The following ARHGAP17 variants were observed in gnomAD, a reference collection of about 807,000 sequenced individuals.
ARHGAP17 encodes rho GTPase-activating protein 17.
A neutral mutation model predicts 99.5 loss-of-function variants in ARHGAP17; 57 were observed. The observed-to-expected ratio is 0.57, with a 90% CI of 0.46 to 0.71. ARHGAP17 has a LOEUF of 0.71. Ranked by LOEUF, ARHGAP17 falls within the 30% of genes least tolerant of loss-of-function variation. ARHGAP17 has a pLI of 0.00. For synonymous variants in ARHGAP17, 417 were observed against 429.6 expected (o/e 0.97, Z 0.36); for missense variants, 1,000 against 1,122.4 (o/e 0.89, Z 1.56).
intron 13 of ARHGAP17, among the ~76,000 whole-genome samples, chr16:24,948,145 CA>C (rs1374087274): frequency 6.6e-6 from 1 of 152,152 alleles, no homozygotes; most frequent in Admixed American, 6.5e-5. Flanking sequence ...ATGCTACCAT[CA>C]TTACAAAATG....
intron 16 of ARHGAP17, chr16:24,941,725 C>T: frequency 2.1e-6 from 1 of 477,946 alleles, no homozygotes; most frequent in East Asian, 4.1e-5. Flanking sequence ...GATGCCGTTC[C>T]ACTGCAGGGC....
chr16:24,983,597 T>A (rs2052767842), intron 1 of ARHGAP17, among the ~76,000 whole-genome samples: 1 of 152,212 alleles, frequency 6.6e-6, no homozygotes, highest in South Asian at 2.1e-4. Flanking sequence ...GCGCCCAGCC[T>A]AGATTGTTTT....
chr16:24,921,510 G>C (rs1418851157), intron 19 of ARHGAP17, among the ~76,000 whole-genome samples: 2 of 152,122 alleles, frequency 1.3e-5, no homozygotes, highest in Admixed American at 1.3e-4. Flanking sequence ...CTATATTTCT[G>C]TTCGACCTGC....
At chr16:24,929,277 T>C (rs1453503659) in intron 19 of ARHGAP17, among the ~76,000 whole-genome samples, 1 of 152,016 alleles carries the variant, frequency 6.6e-6, no homozygotes, top group African/African-American at 2.4e-5. Flanking sequence ...GCAATCCTCT[T>C]GCCTCAGCCA....
chr16:24,949,281 T>G, intron 13 of ARHGAP17, 123 bp downstream of exon 13: 1 of 665,812 alleles, frequency 1.5e-6, no homozygotes, highest in African/African-American at 1.8e-5. Context: ...TCCAAAGTGA[T>G]GTGGTTTTTT....
chr16:24,977,694 T>C (rs1356111222), intron 2 of ARHGAP17, among the ~76,000 whole-genome samples: 1 of 151,734 alleles, frequency 6.6e-6, no homozygotes, highest in Non-Finnish European at 1.5e-5. Flanking sequence ...TTATTCCTTA[T>C]TGGGTTTGGG....
At position 24,947,604 on chromosome 16, in the gene ARHGAP17, CA is replaced by C; in HGVS notation, c.1128-10del. 2 of 1,603,896 alleles carry C rather than the reference CA, an allele frequency of 1.2e-6. No individual in the cohort carries two copies. ...GGAACTTGATCAAATATCTAGGGGT[CA>C]AAAGAGAAGGGGAGGGTTTCTCCTC... On this transcript the variant is annotated splice_polypyrimidine_tract_variant and intron_variant, in intron 13 of 19. Transcript: ENST00000289968.
intron 12 of ARHGAP17, 70 bp downstream of exon 12, chr16:24,952,219 G>A: frequency 3.4e-6 from 4 of 1,189,260 alleles, no homozygotes; most frequent in Non-Finnish European, 4.8e-6. Flanking sequence ...AGAATAAAAT[G>A]ATTTGCAAAT....
intron 19 of ARHGAP17, among the ~76,000 whole-genome samples, chr16:24,926,850 G>A (rs1366039085): frequency 6.6e-6 from 1 of 152,216 alleles, no homozygotes; most frequent in African/African-American, 2.4e-5. Context: ...ATGGATACCT[G>A]GGTTCCACCC....
chr16:24,931,484 A>T (rs1372947903), intron 18 of ARHGAP17, 80 bp from the exon 19 acceptor site: 2 of 1,369,636 alleles, frequency 1.5e-6, no homozygotes, highest in African/African-American at 1.5e-5. Context: ...CAAATTTAAC[A>T]TCACCAGTAA....
At chr16:24,934,174 T>A (rs1436688300) in intron 18 of ARHGAP17, among the ~76,000 whole-genome samples, 1 of 152,216 alleles carries the variant, frequency 6.6e-6, no homozygotes, top group African/African-American at 2.4e-5. Flanking sequence ...TTTTTTTCTT[T>A]TTTCGGGACA....
intron 19 of ARHGAP17, among the ~76,000 whole-genome samples, chr16:24,925,770 T>C (rs1036854728): frequency 3.3e-5 from 5 of 152,120 alleles, no homozygotes; most frequent in Non-Finnish European, 4.4e-5. Context: ...AATCTGTCTA[T>C]GTCAAATAAT....
chr16:24,925,289 G>T (rs1209003620), intron 19 of ARHGAP17, among the ~76,000 whole-genome samples: 1 of 152,176 alleles, frequency 6.6e-6, no homozygotes, highest in African/African-American at 2.4e-5. Flanking sequence ...TGAGGCAAGA[G>T]AACTGCTTAA....
intron 3 of ARHGAP17, among the ~76,000 whole-genome samples, chr16:24,976,655 G>A (rs530441761): frequency 6.6e-6 from 1 of 152,242 alleles, no homozygotes; most frequent in South Asian, 2.1e-4. Context: ...CTGGGAGAGA[G>A]GCTCTCTACT....
rs78457529 is a variant in ARHGAP17 at position 24,939,559 on chromosome 16, C to T, written c.1529G>A (p.Arg510Gln). The T allele has an allele frequency of 0.011, 17,658 of 1,607,738 alleles. 114 individuals are homozygous for T. Among genetic ancestry groups the T allele is most frequent in the Non-Finnish European group, 0.012 (14,656 of 1,177,846 alleles). The change falls in exon 17 of 20, where the codon CGG (arginine) becomes CAG (glutamine). Residue 510 changes from arginine to glutamine, a missense_variant. Arg to Gln is a conservative substitution (Grantham distance 43). Transcript: ENST00000289968. Reference sequence around the variant, plus strand: ...GTGCTTTCTATTTAGAGTGCCACCCCGCCGGTGGGCCTGGAAGTCCATAAG... The same window carrying T: ...GTGCTTTCTATTTAGAGTGCCACCCTGCCGGTGGGCCTGGAAGTCCATAAG... ...VKLMDFQAHR[R>Q]GGTLNRKHIS...
chr16:24,931,382 TG>T lies in ARHGAP17; in HGVS notation c.1916del (p.Ala639AspfsTer87). On this transcript the variant is annotated frameshift_variant, in exon 19 of 20. Coordinates refer to ENST00000289968, the MANE Select transcript of ARHGAP17 (RefSeq NM_001006634.3). LOFTEE classifies it high-confidence loss of function. The stretch of plus-strand genomic sequence containing the variant: ...GAGGTGGGTTGCCCGGTTTCGGGGG[TG>T]CTGGAGCGGGTTTTTTAACAGCTGC... The part of the protein sequence containing the change: ...LRRAVKKPAP[A>X]PPKPGNPPPG... 1 of 1,510,048 alleles carries T rather than the reference TG, an allele frequency of 6.6e-7. No individual in the cohort carries two copies. The highest frequency in any genetic ancestry group is 8.8e-7 in the Non-Finnish European group (1 of 1,132,378). 93.5% of individuals were successfully genotyped at this position (1,510,048 alleles called of 1,614,324 possible).
chr16:24,931,007 C>T lies in ARHGAP17; in HGVS notation c.2292G>A (p.Pro764=), dbSNP rs79337633. Residue 764 remains proline (P), a synonymous_variant, in exon 19 of 20, where the codon CCG becomes CCA. Transcript: ENST00000289968. ...GACTGGGGTTCTGTTTTCCTAGGGG[C>T]GGAGTACTGGGGGGCGTTGGAGTCT... ...PPQTPTPPST[P]PLGKQNPSLP... 5,858 of 1,605,442 alleles carry T rather than the reference C, an allele frequency of 3.6e-3. 114 individuals carry two copies. In the African/African-American group the frequency reaches 0.055, roughly 15 times the overall value.
chr16:24,969,500 T>C (rs112034750), intron 4 of ARHGAP17, among the ~76,000 whole-genome samples: 24 of 152,156 alleles, frequency 1.6e-4, no homozygotes, highest in African/African-American at 5.8e-4. Context: ...TCTCAGGCAA[T>C]TTCCCTGCCC....
At position 24,939,845 on chromosome 16, in the gene ARHGAP17, CA is replaced by C. The variant is rs1253975786; in HGVS notation, c.1491-249del. 54 of 548,248 alleles carry C rather than the reference CA, an allele frequency of 9.8e-5. 1 individual carries two copies. In the South Asian group the frequency reaches 1.0e-3, roughly 10 times the overall value. 34.0% of individuals were successfully genotyped at this position (548,248 alleles called of 1,614,324 possible). On this transcript the variant is annotated intron_variant, in intron 16 of 19. Transcript: ENST00000289968. ...CAATTTGGGTGTGAGCAGCTAAAAG[CA>C]AATAGGCAGGCCTCATCTTGAATGA...
Sources: allele counts gnomAD v4.1 joint callset (sites outside exome capture counted in the v4.1 genomes callset), GRCh38; gene constraint gnomAD v4.1.1; transcripts MANE v1.5; gene names NCBI Gene and HGNC (gene_info 2026-07-23, HGNC 2026-07-21).